The following ELFN2 variants were observed in gnomAD, a reference collection of about 807,000 sequenced individuals.
ELFN2 encodes the protein protein phosphatase 1 regulatory subunit 29.
In ELFN2, 17 loss-of-function variants were observed where a neutral mutation model predicts 45.5. The observed-to-expected ratio is 0.37, with a 90% confidence interval of 0.26 to 0.56. The LOEUF (loss-of-function observed/expected upper bound fraction) is 0.56, where lower values mean the gene tolerates loss of function less well. Ranked by LOEUF, ELFN2 falls within the 20% of genes least tolerant of loss-of-function variation. The pLI is 0.77. For missense variants in ELFN2, 922 were observed against 1,183.2 expected, an observed-to-expected ratio of 0.78 and a Z score of 3.24; for synonymous variants, 550 against 551.5, an observed-to-expected ratio of 1.00 and a Z score of 0.04.
intron 2 of ELFN2, among the ~76,000 whole-genome samples, chr22:37,409,290 G>C (rs1932587371): frequency 6.6e-6 from 1 of 152,166 alleles, no homozygotes; most frequent in African/African-American, 2.4e-5. Context: ...AAGCTCCTGG[G>C]CCCCGAAGCA....
intron 2 of ELFN2, among the ~76,000 whole-genome samples, chr22:37,384,472 C>T (rs1360937637): frequency 6.6e-6 from 1 of 151,632 alleles, no homozygotes; most frequent in East Asian, 1.9e-4. Context: ...TCCCACCTCC[C>T]CCATGGACTG....
intron 2 of ELFN2, among the ~76,000 whole-genome samples, chr22:37,410,399 T>C (rs970960054): frequency 3.9e-5 from 6 of 152,016 alleles, no homozygotes; most frequent in Non-Finnish European, 7.4e-5. Context: ...GCGCCTCACC[T>C]CTCTGGGCTG....
At chr22:37,390,557 G>A (rs1276232026) in intron 2 of ELFN2, among the ~76,000 whole-genome samples, 3 of 152,066 alleles carry the variant, frequency 2.0e-5, no homozygotes, top group Admixed American at 6.5e-5. Context: ...ATGGGGGTGA[G>A]CTCTGATTCC....
At chr22:37,384,302 C>A (rs990086504) in intron 2 of ELFN2, among the ~76,000 whole-genome samples, 2 of 151,346 alleles carry the variant, frequency 1.3e-5, no homozygotes, top group African/African-American at 2.4e-5. Flanking sequence ...CCCCAGCCCA[C>A]CCACCACCAG....
At chr22:37,421,615 G>C (rs1015249894) in intron 1 of ELFN2, among the ~76,000 whole-genome samples, 2 of 152,190 alleles carry the variant, frequency 1.3e-5, no homozygotes, top group Non-Finnish European at 2.9e-5. Context: ...CCTCTCTGGG[G>C]GTTCCTGCCT....
chr22:37,387,325 G>T (rs1931975764), intron 2 of ELFN2, among the ~76,000 whole-genome samples: 1 of 152,152 alleles, frequency 6.6e-6, no homozygotes, highest in Admixed American at 6.5e-5. Context: ...GACAGCTGTG[G>T]TCCTTTGAAA....
intron 2 of ELFN2, among the ~76,000 whole-genome samples, chr22:37,404,963 G>A (rs1285366676): frequency 6.6e-6 from 1 of 152,196 alleles, no homozygotes; most frequent in Non-Finnish European, 1.5e-5. Flanking sequence ...CAGAGACACA[G>A]GAGTTCCAGC....
intron 2 of ELFN2, among the ~76,000 whole-genome samples, chr22:37,402,964 T>A (rs112173818): frequency 0.03 from 4,555 of 152,140 alleles, 268 homozygotes; most frequent in African/African-American, 0.1. Flanking sequence ...CATCCTCCAC[T>A]TGAGCCCACT....
intron 1 of ELFN2, 47 bp downstream of exon 1, chr22:37,427,251 C>G (rs946617101): frequency 1.2e-5 from 1 of 85,250 alleles, no homozygotes; most frequent in Non-Finnish European, 2.3e-5. Context: ...CCCACCGTCT[C>G]CCCGGTCGGT....
intron 1 of ELFN2, among the ~76,000 whole-genome samples, chr22:37,361,885 C>A (rs1048052085): frequency 6.6e-6 from 1 of 152,180 alleles, no homozygotes; most frequent in African/African-American, 2.4e-5. Context: ...CCATAGGACA[C>A]CCTCTTCTCG....
At position 37,379,769 on chromosome 22, in the gene ELFN2, C is replaced by T. The variant is rs1055865363; in HGVS notation, c.-462-3773G>A. ...CAGAGCTGGGCAGGACCACAGACCC[C>T]AAAGTCACTCTCAGCAAATGCCTCC... On this transcript the variant is annotated intron_variant, in intron 2 of 2. Coordinates refer to ENST00000402918, the MANE Select transcript of ELFN2 (RefSeq NM_052906.5). Among the ~76,000 whole-genome samples, 8 of 152,142 alleles carry T rather than the reference C, an allele frequency of 5.3e-5. No individual in the cohort carries two copies. In the East Asian group the frequency reaches 1.5e-3, roughly 29 times the overall value.
chr22:37,361,529 A>G (rs114079783), intron 1 of ELFN2, among the ~76,000 whole-genome samples: 2,573 of 152,064 alleles, frequency 0.017, 40 homozygotes, highest in Middle Eastern at 0.068. Context: ...GCTCCTGCCC[A>G]GACACAAAAC....
intron 2 of ELFN2, among the ~76,000 whole-genome samples, chr22:37,397,289 T>A (rs7286867): frequency 5.9e-5 from 9 of 151,950 alleles, no homozygotes; most frequent in African/African-American, 1.9e-4. Flanking sequence ...AAGCCTGGCA[T>A]GGAGAAGGCA....
Position 37,373,878 on chromosome 22 carries a change from C to T in ELFN2, c.1657G>A (p.Asp553Asn), listed in dbSNP as rs768430181. 1.9e-6 allele frequency: 3 copies of T among 1,613,312 alleles called. No individual in the cohort carries two copies. Among genetic ancestry groups the T allele is most frequent in the Non-Finnish European group, 8.5e-7 (1 of 1,179,966 alleles). ...GAGGCCGAGTCCAGCTTGAGAGCAT[C>T]GATGCAGTTGTTAATGATCTGGTTG... ...KVNQIINNCI[D>N]ALKLDSASFL... The change falls in exon 3 of 3, where the codon GAT becomes AAT. Residue 553 changes from aspartate (D) to asparagine (N), a missense_variant. Physicochemically the swap from Asp to Asn is conservative, Grantham distance 23. Transcript: ENST00000402918.
rs144707137 is a variant in ELFN2, at chr22:37,381,883, G to A, written c.-462-5887C>T. On this transcript the variant is annotated intron_variant, in intron 2 of 2. Coordinates refer to ENST00000402918, the MANE Select transcript of ELFN2 (RefSeq NM_052906.5). ...AGGCAGGAAAATGGCATGAACCCGG[G>A]AGGCGGAGCGTGCAGTGAGCCGAGA... 4.2e-3 allele frequency among the ~76,000 whole-genome samples: 573 copies of A among 138,036 alleles called. 4 individuals carry two copies. Among genetic ancestry groups the A allele is most frequent in the African/African-American group, 0.015 (559 of 37,322 alleles). The allele number at this position is 138,036 out of a possible 152,430, so 90.6% of individuals were successfully genotyped here.
At chr22:37,365,673 CT>C (rs1448043237), downstream of ELFN2, among the ~76,000 whole-genome samples, 1 of 152,216 alleles carries the variant, frequency 6.6e-6, no homozygotes, top group African/African-American at 2.4e-5. Context: ...TGGGGTGCCC[CT>C]GGCAACTATG....
At chr22:37,360,476 A>G (rs1931057822) in intron 1 of ELFN2, among the ~76,000 whole-genome samples, 1 of 152,216 alleles carries the variant, frequency 6.6e-6, no homozygotes, top group Non-Finnish European at 1.5e-5. Context: ...GTGTGAGCAC[A>G]GTGCGGACAC....
chr22:37,421,327 G>A (rs1932807604), intron 1 of ELFN2, among the ~76,000 whole-genome samples: 1 of 152,194 alleles, frequency 6.6e-6, no homozygotes, highest in African/African-American at 2.4e-5. Context: ...AACAGAGAGC[G>A]CCTTGCCCGA....
At chr22:37,392,422 A>G (rs1932108037) in intron 2 of ELFN2, among the ~76,000 whole-genome samples, 1 of 151,024 alleles carries the variant, frequency 6.6e-6, no homozygotes, top group African/African-American at 2.4e-5. Context: ...GATTCAAGCA[A>G]TTCTCCTGCC....
Sources: gnomAD v4.1 joint callset for allele counts (sites outside exome capture counted in the v4.1 genomes callset) on GRCh38, gnomAD v4.1.1 for gene constraint, MANE v1.5 for transcripts, NCBI Gene and HGNC (gene_info 2026-07-23, HGNC 2026-07-21) for gene names.